Variants in SLC35F1 observed in about 807,000 individuals in gnomAD.
SLC35F1 encodes the protein solute carrier family 35 member F1, also known as chromosome 6 open reading frame 169.
SLC35F1 carries 14 observed loss-of-function variants against 48.7 expected under a neutral mutation model. The ratio of observed to expected loss-of-function variants is 0.29; its 90% CI spans 0.19 to 0.45. The LOEUF (loss-of-function observed/expected upper bound fraction) is 0.45. Among genes scored for constraint, SLC35F1 ranks in the 20% least tolerant of loss-of-function variants. SLC35F1 has a pLI of 1.00. For missense variants in SLC35F1, 404 were observed against 500.0 expected, an observed-to-expected ratio of 0.81 and a Z score of 1.83; for synonymous variants, 190 against 202.2, an observed-to-expected ratio of 0.94 and a Z score of 0.51.
intron 3 of SLC35F1, among the ~76,000 whole-genome samples, chr6:118,264,792 AAC>A (rs1253321647): frequency 6.6e-6 from 1 of 152,264 alleles, no homozygotes; most frequent in East Asian, 1.9e-4. Flanking sequence ...ATGCCCAGTG[AAC>A]AGTTTTCAAT....
At chr6:118,070,717 T>TAC (rs1000439212) in intron 1 of SLC35F1, among the ~76,000 whole-genome samples, 2 of 150,818 alleles carry the variant, frequency 1.3e-5, no homozygotes, top group Admixed American at 1.3e-4. Context: ...AGACATCATC[T>TAC]ACAGTACTAA....
At chr6:118,206,606 GGT>G (rs1774938220) in intron 2 of SLC35F1, among the ~76,000 whole-genome samples, 1 of 152,132 alleles carries the variant, frequency 6.6e-6, no homozygotes, top group Non-Finnish European at 1.5e-5. Flanking sequence ...GTGGGAGAAT[GGT>G]GTGATTATAT....
intron 2 of SLC35F1, among the ~76,000 whole-genome samples, chr6:118,166,429 T>C (rs1371626266): frequency 6.6e-6 from 1 of 152,220 alleles, no homozygotes; most frequent in East Asian, 1.9e-4. Flanking sequence ...TTTGGCTTAG[T>C]GGATGTCATT....
At chr6:117,969,270 A>C (rs1188257502) in intron 1 of SLC35F1, among the ~76,000 whole-genome samples, 1 of 152,206 alleles carries the variant, frequency 6.6e-6, no homozygotes, top group Non-Finnish European at 1.5e-5. Context: ...TTAAACAAGA[A>C]TATATTTTTT....
At chr6:118,073,492 T>A (rs1453720762) in intron 1 of SLC35F1, among the ~76,000 whole-genome samples, 1 of 152,234 alleles carries the variant, frequency 6.6e-6, no homozygotes, top group Admixed American at 6.5e-5. Context: ...CACTTATAAG[T>A]ATTCACTGTT....
intron 1 of SLC35F1, among the ~76,000 whole-genome samples, chr6:117,921,053 GACAC>G (rs60793418): frequency 0.07 from 10,491 of 149,406 alleles, 617 homozygotes; most frequent in African/African-American, 0.16. Context: ...ATTTCTCTTT[GACAC>G]ACACACACAC....
At chr6:118,029,757 A>T (rs562661865) in intron 1 of SLC35F1, among the ~76,000 whole-genome samples, 1 of 152,210 alleles carries the variant, frequency 6.6e-6, no homozygotes, top group Non-Finnish European at 1.5e-5. Flanking sequence ...AATGAAGTTA[A>T]AAACATTTCT....
At chr6:118,005,929 A>G (rs1777167056) in intron 1 of SLC35F1, among the ~76,000 whole-genome samples, 1 of 152,194 alleles carries the variant, frequency 6.6e-6, no homozygotes, top group African/African-American at 2.4e-5. Flanking sequence ...ACCTTGGCAC[A>G]TAGATGCTGC....
intron 1 of SLC35F1, among the ~76,000 whole-genome samples, chr6:117,926,436 GAT>G (rs1776029253): frequency 6.6e-6 from 1 of 152,084 alleles, no homozygotes; most frequent in Non-Finnish European, 1.5e-5. Flanking sequence ...AGGATGGACT[GAT>G]ACACACAGCT....
chr6:118,043,064 A>T (rs1054276256), intron 1 of SLC35F1, among the ~76,000 whole-genome samples: 2 of 152,152 alleles, frequency 1.3e-5, no homozygotes, highest in Admixed American at 1.3e-4. Flanking sequence ...TGCGGTTAGG[A>T]TTCTATTTAT....
chr6:118,081,612 G>A (rs562883276), intron 1 of SLC35F1, among the ~76,000 whole-genome samples: 13 of 152,262 alleles, frequency 8.5e-5, no homozygotes, highest in African/African-American at 2.9e-4. Context: ...TCCAGCCTGG[G>A]TGACAGAGCA....
At chr6:118,295,754 T>C (rs1380989975) in intron 7 of SLC35F1, among the ~76,000 whole-genome samples, 1 of 152,186 alleles carries the variant, frequency 6.6e-6, no homozygotes, top group Non-Finnish European at 1.5e-5. Context: ...AGTGCCCAAA[T>C]GTAATTAGAA....
intron 1 of SLC35F1, among the ~76,000 whole-genome samples, chr6:118,147,257 C>T (rs1175252611): frequency 6.6e-6 from 1 of 152,184 alleles, no homozygotes; most frequent in Non-Finnish European, 1.5e-5. Flanking sequence ...GTTCCAGTTG[C>T]TCATGAGTGG....
chr6:118,011,892 A>T (rs1038188455), intron 1 of SLC35F1, among the ~76,000 whole-genome samples: 1 of 152,212 alleles, frequency 6.6e-6, no homozygotes, highest in Non-Finnish European at 1.5e-5. Context: ...GGTCTGAGGG[A>T]CAAGAGACAG....
In SLC35F1 at chr6:118,267,598, CTG is replaced by C. The variant is rs139594929; in HGVS notation, c.637+445_637+446del. ...CTTTCTCTGTCAAGCCAGAGAAAGA[CTG>C]AGCTTTCAAACTACTGGGTGAAGGT... is the stretch of plus-strand genomic sequence containing the variant. On this transcript the variant is annotated intron_variant, in intron 4 of 7. Coordinates refer to ENST00000360388, the MANE Select transcript of SLC35F1 (RefSeq NM_001029858.4). Among the ~76,000 whole-genome samples the C allele has an allele frequency of 5.0e-3, 768 of 152,278 alleles. 8 individuals carry two copies. Among genetic ancestry groups the C allele is most frequent in the African/African-American group, 0.018 (735 of 41,562 alleles).
At chr6:118,163,223 C>T (rs534916485) in intron 2 of SLC35F1, among the ~76,000 whole-genome samples, 1 of 152,162 alleles carries the variant, frequency 6.6e-6, no homozygotes, top group Non-Finnish European at 1.5e-5. Flanking sequence ...CTCGGCCTCC[C>T]AAAGTGCTGG....
intron 2 of SLC35F1, among the ~76,000 whole-genome samples, chr6:118,168,574 C>T (rs1420629642): frequency 3.3e-5 from 5 of 152,162 alleles, no homozygotes; most frequent in Middle Eastern, 3.4e-3. Flanking sequence ...TAACTGAAAC[C>T]GTGGAAAGTG....
chr6:117,978,563 G>A (rs911119396), intron 1 of SLC35F1, among the ~76,000 whole-genome samples: 3 of 152,016 alleles, frequency 2.0e-5, no homozygotes, highest in East Asian at 1.9e-4. Flanking sequence ...TTCCCTTCAC[G>A]TTATTTTCTT....
chr6:118,264,553 G>T (rs959605552), intron 3 of SLC35F1, among the ~76,000 whole-genome samples: 1 of 152,174 alleles, frequency 6.6e-6, no homozygotes, highest in Non-Finnish European at 1.5e-5. Flanking sequence ...GACTCATCAA[G>T]TGCTTTGGCT....
Sources: allele counts gnomAD v4.1 joint callset (sites outside exome capture counted in the v4.1 genomes callset), GRCh38; gene constraint gnomAD v4.1.1; transcripts MANE v1.5; gene names NCBI Gene and HGNC (gene_info 2026-07-23, HGNC 2026-07-21).